CLIC5: variants seen among roughly 807,000 people sequenced by gnomAD.
CLIC5 encodes the protein CLIC family member 5, also known as chloride intracellular channel protein 5.
In CLIC5, 20 loss-of-function variants were observed where a neutral mutation model predicts 24.7. The ratio of observed to expected loss-of-function variants is 0.81; its 90% CI spans 0.57 to 1.18. The LOEUF is 1.18. Among genes scored for constraint, CLIC5 ranks in the 50% most tolerant of loss-of-function variants. The pLI is 0.00. For missense variants in CLIC5, 341 were observed against 326.1 expected, an observed-to-expected ratio of 1.05 and a Z score of -0.35; for synonymous variants, 159 against 135.6, an observed-to-expected ratio of 1.17 and a Z score of -1.20.
intron 1 of CLIC5, among the ~76,000 whole-genome samples, chr6:46,039,517 C>CAAAATAAACATAAGCAT (rs1288907322): frequency 6.6e-6 from 1 of 150,924 alleles, no homozygotes; most frequent in African/African-American, 2.4e-5. Context: ...TTGGTCAAAG[C>CAAAATAAACATAAGCAT]AAAATAAACA....
intron 4 of CLIC5, among the ~76,000 whole-genome samples, chr6:45,928,869 T>C (rs975952153): frequency 3.3e-5 from 5 of 152,004 alleles, no homozygotes; most frequent in African/African-American, 9.7e-5. Flanking sequence ...GTTGGTTGCA[T>C]AGGATGAGGT....
chr6:45,906,172 T>C (rs915567795), intron 5 of CLIC5, among the ~76,000 whole-genome samples: 28 of 152,190 alleles, frequency 1.8e-4, no homozygotes, highest in African/African-American at 6.5e-4. Context: ...TCTTTTTGCG[T>C]AGGGTGGCTT....
At chr6:45,993,868 ATTCAGC>A (rs1176042424) in intron 1 of CLIC5, among the ~76,000 whole-genome samples, 3 of 152,244 alleles carry the variant, frequency 2.0e-5, no homozygotes, top group African/African-American at 7.2e-5. Flanking sequence ...TGCGGAAATC[ATTCAGC>A]CTCTGTTAAA....
At chr6:45,885,595 C>A (rs1258011689) in intron 6 of CLIC5, among the ~76,000 whole-genome samples, 4 of 152,146 alleles carry the variant, frequency 2.6e-5, no homozygotes, top group Non-Finnish European at 4.4e-5. Context: ...ATTGCGGATA[C>A]AAATCTGACA....
At chr6:45,910,132 C>A (rs923216213) in intron 5 of CLIC5, among the ~76,000 whole-genome samples, 1 of 152,068 alleles carries the variant, frequency 6.6e-6, no homozygotes, top group East Asian at 1.9e-4. Flanking sequence ...TGTTTCAGTA[C>A]CCTTTTTTTT....
chr6:46,060,157 T>A (rs1762209971), intron 1 of CLIC5, among the ~76,000 whole-genome samples: 1 of 152,196 alleles, frequency 6.6e-6, no homozygotes, highest in Non-Finnish European at 1.5e-5. Context: ...GGAGGCATAG[T>A]CAGTCTCTTT....
chr6:46,080,467 ACT>A (rs1321468198), upstream of CLIC5: 3 of 506,906 alleles, frequency 5.9e-6, no homozygotes, highest in Non-Finnish European at 7.0e-6. Flanking sequence ...CACTCAGTTA[ACT>A]CCTTCACTCC....
chr6:45,894,475 C>T (rs1483374027), downstream of CLIC5, among the ~76,000 whole-genome samples: 1 of 151,780 alleles, frequency 6.6e-6, no homozygotes, highest in Non-Finnish European at 1.5e-5. Context: ...TATTGTAATA[C>T]ACAAGAATAA....
chr6:45,946,603 G>A (rs917366202), intron 3 of CLIC5, among the ~76,000 whole-genome samples: 4 of 152,210 alleles, frequency 2.6e-5, no homozygotes, highest in Non-Finnish European at 5.9e-5. Flanking sequence ...AGGCCAGGCT[G>A]TCCTGCTCCA....
Position 45,905,717 on chromosome 6 carries a change from T to C in CLIC5, c.589-2462A>G, listed in dbSNP as rs553812828. ...GTTGATAGTTTCTATGTGCAGAAGC[T>C]CTTTAGTATAATTAAGTCCCACTTG... On this transcript the variant is annotated intron_variant, in intron 5 of 5. Coordinates refer to ENST00000339561, the MANE Select transcript of CLIC5 (RefSeq NM_016929.5). 2.0e-5 allele frequency among the ~76,000 whole-genome samples: 3 copies of C among 152,282 alleles called. No homozygotes were observed. In the South Asian group the frequency reaches 6.2e-4, roughly 32 times the overall value.
In CLIC5 at chr6:45,901,594, G is replaced by A. The variant is rs989685703; in HGVS notation, c.*1494C>T. On this transcript the variant is annotated 3_prime_UTR_variant, in exon 6 of 6. Coordinates refer to ENST00000339561, the MANE Select transcript of CLIC5 (RefSeq NM_016929.5). ...TAGAAGGGGGATTGTTGAAGGTAAG[G>A]GCCTGTGGCAAATGGATTTTCTCAC... 5 of 152,060 alleles carry A rather than the reference G, an allele frequency of 3.3e-5. No homozygotes were observed. Among genetic ancestry groups the A allele is most frequent in the African/African-American group, 4.8e-5 (2 of 41,372 alleles). The allele number at this position is 152,060 out of a possible 1,614,324, so 9.4% of individuals were successfully genotyped here.
intron 4 of CLIC5, chr6:45,918,947 C>T (rs1322642464): frequency 7.1e-6 from 7 of 985,252 alleles, no homozygotes; most frequent in Middle Eastern, 1.0e-3. Flanking sequence ...AGGGCACATA[C>T]GCTTATGCAA....
At chr6:46,009,891 G>A (rs767190562) in intron 1 of CLIC5, among the ~76,000 whole-genome samples, 5 of 152,182 alleles carry the variant, frequency 3.3e-5, no homozygotes, top group Non-Finnish European at 7.3e-5. Context: ...AACCCAGTGG[G>A]TCAGGGATCT....
chr6:46,106,867 G>T, the CLIC5 span, among the ~76,000 whole-genome samples: 1 of 152,146 alleles, frequency 6.6e-6, no homozygotes, highest in Non-Finnish European at 1.5e-5. Flanking sequence ...TTATCCTTTT[G>T]CATTTACAAA....
In CLIC5 at chr6:45,899,562, T is replaced by A. The variant is rs1762458230; in HGVS notation, c.*3526A>T. Reference sequence around the variant, plus strand: ...CTTCCTGCCTCTGCCTCTCTCTTAGTTCTATTTGTCCAGGCCTTGCTGATT... The same window carrying A: ...CTTCCTGCCTCTGCCTCTCTCTTAGATCTATTTGTCCAGGCCTTGCTGATT... On this transcript the variant is annotated 3_prime_UTR_variant, in exon 6 of 6. Transcript: ENST00000339561. 1 of 152,364 alleles carries A rather than the reference T, an allele frequency of 6.6e-6. No homozygotes were observed. The highest frequency in any genetic ancestry group is 1.5e-5 in the Non-Finnish European group (1 of 68,144). 9.4% of individuals were successfully genotyped at this position (152,364 alleles called of 1,614,324 possible).
At chr6:46,040,714 T>C (rs1050158746) in intron 1 of CLIC5, among the ~76,000 whole-genome samples, 3 of 151,966 alleles carry the variant, frequency 2.0e-5, no homozygotes, top group Non-Finnish European at 4.4e-5. Flanking sequence ...ATGGTGATAG[T>C]AGTGGCTGTG....
At chr6:46,106,047 T>C in the CLIC5 span, among the ~76,000 whole-genome samples, 1,250 of 152,310 alleles carry the variant, frequency 8.2e-3, 12 homozygotes, top group African/African-American at 0.028. Flanking sequence ...AATGTCTTTG[T>C]AACAAGAACT....
chr6:45,921,454 G>T (rs1034628823), intron 4 of CLIC5, among the ~76,000 whole-genome samples: 6 of 152,094 alleles, frequency 3.9e-5, no homozygotes, highest in Admixed American at 3.9e-4. Context: ...TAAGAGATTT[G>T]GGTTTGAATC....
chr6:46,081,158 G>C (rs1229929896), upstream of CLIC5, among the ~76,000 whole-genome samples: 1 of 152,214 alleles, frequency 6.6e-6, no homozygotes, highest in Non-Finnish European at 1.5e-5. Context: ...CCCAGGTCTG[G>C]ATAAGCAATA....
Sources: gnomAD v4.1 joint callset for allele counts (sites outside exome capture counted in the v4.1 genomes callset) on GRCh38, gnomAD v4.1.1 for gene constraint, MANE v1.5 for transcripts, NCBI Gene and HGNC (gene_info 2026-07-23, HGNC 2026-07-21) for gene names.